The following CEP44 variants were observed in gnomAD, a reference collection of about 807,000 sequenced individuals.
CEP44 encodes the protein centrosomal protein of 44 kDa.
CEP44 carries 45 observed loss-of-function variants against 46.7 expected under a neutral mutation model. That is an observed-to-expected ratio of 0.96 (90% CI 0.76 to 1.24). CEP44 has a LOEUF of 1.24. Ranked by LOEUF, CEP44 falls within the 50% of genes most tolerant of loss-of-function variation. The probability of loss-of-function intolerance (pLI) is 0.00; values close to 1 mark genes in which losing one functional copy is unlikely to be tolerated. For missense variants in CEP44, 475 were observed against 459.7 expected (o/e 1.03, Z -0.30); for synonymous variants, 142 against 146.0 (o/e 0.97, Z 0.20).
chr4:174,302,331 CTA>C (rs1220814585), intron 4 of CEP44, 145 bp downstream of exon 4: 2 of 564,576 alleles, frequency 3.5e-6, no homozygotes, highest in East Asian at 3.3e-5. Flanking sequence ...AATGTAGTCT[CTA>C]TTGAAATCAA....
intron 8 of CEP44, among the ~76,000 whole-genome samples, chr4:174,327,208 A>G (rs531305855): frequency 1.0e-3 from 153 of 149,974 alleles, no homozygotes; most frequent in African/African-American, 2.9e-3. Flanking sequence ...GAGAGAGAGA[A>G]AAAACAGATA....
chr4:174,308,594 A>C, intron 6 of CEP44, 95 bp from the exon 7 acceptor site: 1 of 1,209,566 alleles, frequency 8.3e-7, no homozygotes, highest in East Asian at 2.4e-5. Context: ...TTGTGTAACA[A>C]ACCTGCACAT....
chr4:174,330,966 T>G (rs1168521057), intron 8 of CEP44, among the ~76,000 whole-genome samples: 2 of 152,210 alleles, frequency 1.3e-5, no homozygotes, highest in East Asian at 3.8e-4. Context: ...GGTAAACATA[T>G]CTACATGTAA....
At chr4:174,292,678 A>G (rs557636058) in intron 1 of CEP44, among the ~76,000 whole-genome samples, 1 of 152,022 alleles carries the variant, frequency 6.6e-6, no homozygotes, top group South Asian at 2.1e-4. Context: ...TTTTTAGTTC[A>G]GTCATTGTAT....
chr4:174,293,215 C>A lies in CEP44; in HGVS notation c.-147-4751C>A, dbSNP rs116838163. Among the ~76,000 whole-genome samples the A allele has an allele frequency of 1.8e-3, 277 of 152,304 alleles. 1 individual carries two copies. Among genetic ancestry groups the A allele is most frequent in the African/African-American group, 6.4e-3 (265 of 41,550 alleles). On this transcript the variant is annotated intron_variant, in intron 1 of 11. Coordinates refer to ENST00000503780, the MANE Select transcript of CEP44 (RefSeq NM_001040157.3). ...ACAAGTCTTCCTGTGAGACCTTGGA[C>A]AGGTGAGTTGAAGCCCACATGCTGA...
At chr4:174,322,387 TGG>T (rs746425084), downstream of CEP44, among the ~76,000 whole-genome samples, 29 of 152,228 alleles carry the variant, frequency 1.9e-4, no homozygotes, top group Admixed American at 1.2e-3. Context: ...TGCACCACAT[TGG>T]CTGGTAGAAT....
intron 6 of CEP44, among the ~76,000 whole-genome samples, chr4:174,306,997 T>C (rs1740484519): frequency 6.6e-6 from 1 of 152,170 alleles, no homozygotes; most frequent in Non-Finnish European, 1.5e-5. Flanking sequence ...TCCATGCTCA[T>C]GGATAGGAAG....
At chr4:174,298,668 T>A (rs1401987148) in intron 2 of CEP44, among the ~76,000 whole-genome samples, 3 of 152,156 alleles carry the variant, frequency 2.0e-5, no homozygotes, top group Non-Finnish European at 2.9e-5. Flanking sequence ...CTGCGCTAAA[T>A]TTGTCTCCAT....
intron 6 of CEP44, among the ~76,000 whole-genome samples, chr4:174,306,240 C>T (rs151101099): frequency 9.2e-5 from 14 of 151,938 alleles, no homozygotes; most frequent in Admixed American, 8.5e-4. Flanking sequence ...AGGACTTCTT[C>T]GTTGTCATTA....
At chr4:174,317,193 A>G (rs1027600252) in intron 11 of CEP44, 142 bp from the exon 12 acceptor site, 1 of 357,316 alleles carries the variant, frequency 2.8e-6, no homozygotes, top group African/African-American at 2.1e-5. Context: ...GTCATACTTA[A>G]GTTTATTCAT....
At position 174,310,004 on chromosome 4, in the gene CEP44, A is replaced by G. The variant is rs904843542; in HGVS notation, c.833A>G (p.Asn278Ser). The G allele has an allele frequency of 1.1e-4, 177 of 1,612,648 alleles. No homozygotes were observed. The highest frequency in any genetic ancestry group is 1.4e-4 in the Non-Finnish European group (169 of 1,179,176). Residue 278 changes from asparagine to serine, a missense_variant, in exon 8 of 12, where the codon AAT becomes AGT. By Grantham distance (46) the Asn-to-Ser change is conservative. Transcript: ENST00000503780. The surrounding 1 kb of genome is among the most constrained non-coding windows in gnomAD (Gnocchi z 4.2). ...KVMVDENTWT[N>S]LLSRVTLLET... ...ATGGTAGATGAAAACACCTGGACTAATCTTCTTAGTCGTGTCACTCTTCTT... is the reference window on the plus strand; with the variant it reads ...ATGGTAGATGAAAACACCTGGACTAGTCTTCTTAGTCGTGTCACTCTTCTT...
intron 6 of CEP44, among the ~76,000 whole-genome samples, chr4:174,305,639 A>G (rs1007640315): frequency 3.9e-5 from 6 of 152,194 alleles, no homozygotes; most frequent in African/African-American, 1.2e-4. Flanking sequence ...TCTCTAACTC[A>G]TCTAACTCTT....
chr4:174,296,887 T>A (rs1489727054), intron 1 of CEP44, among the ~76,000 whole-genome samples: 2 of 151,820 alleles, frequency 1.3e-5, no homozygotes, highest in African/African-American at 4.8e-5. Flanking sequence ...GTTTCATATA[T>A]CTTGACATTG....
Position 174,317,418 on chromosome 4 carries a change from TTACTA to T in CEP44, c.*39_*43del. The stretch of plus-strand genomic sequence containing the variant: ...CATGAACTTTTTTCTAGGACTTTGG[TTACTA>T]TACATATTGTATATTTTAAGAATTC... On this transcript the variant is annotated 3_prime_UTR_variant, in exon 12 of 12. Coordinates refer to ENST00000503780, the MANE Select transcript of CEP44 (RefSeq NM_001040157.3). 7.3e-7 allele frequency: 1 copy of T among 1,376,826 alleles called. No homozygotes were observed. The highest frequency in any genetic ancestry group is 9.6e-7 in the Non-Finnish European group (1 of 1,040,692). 85.3% of individuals were successfully genotyped at this position (1,376,826 alleles called of 1,614,324 possible). A position where few individuals can be genotyped will look rare whatever the true frequency, so the allele number is the denominator to read the frequency against.
At chr4:174,315,856 A>G (rs1008571821) in intron 9 of CEP44, among the ~76,000 whole-genome samples, 3 of 151,468 alleles carry the variant, frequency 2.0e-5, no homozygotes, top group Non-Finnish European at 4.4e-5. Flanking sequence ...AAAAAAAAAA[A>G]AAAGAAAAGA....
rs770538564 is a variant in CEP44 at position 174,302,130 on chromosome 4, T to G, written c.181T>G (p.Ser61Ala). Residue 61 changes from serine (S) to alanine (A), a missense_variant, in exon 4 of 12, where the codon TCC becomes GCC. Transcript: ENST00000503780. ...TTATGTAACAGAACTTATAATGGAA[T>G]CCAATGTAGAGCTCATAGCAAAAAA... ...SPYVTELIME[S>A]NVELIAKNDL... The G allele has an allele frequency of 1.2e-6, 2 of 1,611,456 alleles. No individual in the cohort carries two copies. The highest frequency in any genetic ancestry group is 8.5e-7 in the Non-Finnish European group (1 of 1,178,768).
At chr4:174,291,242 G>A (rs569145760) in intron 1 of CEP44, among the ~76,000 whole-genome samples, 1 of 151,690 alleles carries the variant, frequency 6.6e-6, no homozygotes, top group Admixed American at 6.6e-5. Flanking sequence ...TGTTGTCTTT[G>A]TGATTTGATG....
intron 3 of CEP44, among the ~76,000 whole-genome samples, chr4:174,300,557 T>G (rs1217389242): frequency 6.6e-6 from 1 of 152,104 alleles, no homozygotes; most frequent in East Asian, 1.9e-4. Flanking sequence ...TTAATTTTCT[T>G]ATTACCCAAA....
chr4:174,287,677 T>C lies in CEP44; in HGVS notation c.-148+3734T>C, dbSNP rs780491642. ...TTTTCCCTTCTGGTTATGATTTACA[T>C]GTATTAACTTATTAATACACGAAGA... On this transcript the variant is annotated intron_variant, in intron 1 of 11. Coordinates refer to ENST00000503780, the MANE Select transcript of CEP44 (RefSeq NM_001040157.3). This position sits in a 1 kb window ranked among gnomAD's most constrained non-coding sequence, Gnocchi z 5.1. Among the ~76,000 whole-genome samples the C allele has an allele frequency of 5.9e-5, 9 of 152,356 alleles. No homozygotes were observed. The highest frequency in any genetic ancestry group is 2.0e-4 in the Admixed American group (3 of 15,294).
Sources: gnomAD v4.1 joint callset for allele counts (sites outside exome capture counted in the v4.1 genomes callset) on GRCh38, gnomAD v4.1.1 for gene constraint, Gnocchi (gnomAD v3.1) non-coding constraint, MANE v1.5 for transcripts, NCBI Gene and HGNC (gene_info 2026-07-23, HGNC 2026-07-21) for gene names.